MYO5C: variants seen among roughly 807,000 people sequenced by gnomAD.
The protein encoded by MYO5C is myosin VC.
A neutral mutation model predicts 235.7 loss-of-function variants in MYO5C; 194 were observed. That is an observed-to-expected ratio of 0.82 (90% CI 0.73 to 0.93). MYO5C has a LOEUF of 0.93. MYO5C is among the 40% of genes least tolerant of loss of function. The pLI, the probability that MYO5C is intolerant of heterozygous loss-of-function variation, is 0.00. For missense variants in MYO5C, 2,038 were observed against 2,127.2 expected, an observed-to-expected ratio of 0.96 and a Z score of 0.82; for synonymous variants, 707 against 754.8, an observed-to-expected ratio of 0.94 and a Z score of 1.04.
chr15:52,235,065 T>C (rs751390820), intron 23 of MYO5C, among the ~76,000 whole-genome samples: 3 of 152,188 alleles, frequency 2.0e-5, no homozygotes, highest in African/African-American at 4.8e-5. Context: ...AAAGCTCAAA[T>C]GTGTAGAGCT....
At chr15:52,214,918 T>A (rs1051805533) in intron 32 of MYO5C, among the ~76,000 whole-genome samples, 1 of 152,172 alleles carries the variant, frequency 6.6e-6, no homozygotes, top group Non-Finnish European at 1.5e-5. Context: ...TTAGTGTCAC[T>A]CTCTAGTTTC....
intron 1 of MYO5C, among the ~76,000 whole-genome samples, chr15:52,293,159 C>T (rs1034842674): frequency 1.3e-4 from 20 of 152,222 alleles, no homozygotes; most frequent in African/African-American, 4.8e-4. Context: ...CCTCACCTGG[C>T]AGCGATTGCT....
At chr15:52,286,703 G>A (rs1309982475) in intron 1 of MYO5C, among the ~76,000 whole-genome samples, 1 of 151,956 alleles carries the variant, frequency 6.6e-6, no homozygotes, top group South Asian at 2.1e-4. Flanking sequence ...GATTAAGGGC[G>A]GTGCAAGATG....
chr15:52,214,733 TTAATC>T (rs766615297), intron 32 of MYO5C, 43 bp from the exon 33 acceptor site: 32 of 1,365,856 alleles, frequency 2.3e-5, no homozygotes, highest in Non-Finnish European at 3.1e-5. Flanking sequence ...TAGAAGCACT[TTAATC>T]TATTTTTTTT....
chr15:52,278,914 G>A lies in MYO5C; in HGVS notation c.408C>T (p.His136=). The A allele has an allele frequency of 6.2e-7, 1 of 1,614,176 alleles. No individual in the cohort carries two copies. The highest frequency in any genetic ancestry group is 1.3e-5 in the African/African-American group (1 of 75,054). The change falls in exon 4 of 41, where the codon CAC becomes CAT. Residue 136 remains histidine, a synonymous_variant. Coordinates refer to ENST00000261839, the MANE Select transcript of MYO5C (RefSeq NM_018728.4). ...SGQNMGDMDP[H]IFAVAEEAYK... is the part of the protein sequence containing the mutation. ...ATGCCTCTTCTGCCACGGCAAATAT[G>A]TGTGGGTCCATATCGCCCATGTTCT...
rs1469156461 is a variant in MYO5C, at chr15:52,279,523, A to T, written c.290T>A (p.Ile97Asn). 6.2e-7 allele frequency: 1 copy of T among 1,612,960 alleles called. No homozygotes were observed. The highest frequency in any genetic ancestry group is 8.5e-7 in the Non-Finnish European group (1 of 1,179,124). The change falls in exon 3 of 41, where the codon ATT becomes AAT. Residue 97 changes from isoleucine (I) to asparagine (N), a missense_variant. Transcript: ENST00000261839. ...GCTCTCCTTACCACTGTAGGTGTAA[A>T]TGAGTTTGGATTCTGCAAAGCGGAT... is the stretch of plus-strand genomic sequence containing the variant. Reference protein sequence around the residue: ...LRIRFAESKLIYTYSGIILVA... With the variant: ...LRIRFAESKLNYTYSGIILVA...
At chr15:52,198,313 C>G (rs568445071) in intron 38 of MYO5C, among the ~76,000 whole-genome samples, 1 of 152,116 alleles carries the variant, frequency 6.6e-6, no homozygotes, top group Non-Finnish European at 1.5e-5. Flanking sequence ...TCAGCCTGGG[C>G]GACAAGAGTG....
intron 23 of MYO5C, among the ~76,000 whole-genome samples, chr15:52,233,621 T>C (rs1263075498): frequency 1.3e-5 from 2 of 152,218 alleles, no homozygotes; most frequent in Non-Finnish European, 2.9e-5. Context: ...TCTGTCTCTA[T>C]CTGGGAAAGA....
At chr15:52,293,353 C>T (rs2037433000) in intron 1 of MYO5C, among the ~76,000 whole-genome samples, 1 of 152,126 alleles carries the variant, frequency 6.6e-6, no homozygotes, top group Admixed American at 6.5e-5. Flanking sequence ...CTTCTCCCAC[C>T]TTGGTGAGAC....
At chr15:52,241,578 A>T (rs948935883) in intron 20 of MYO5C, among the ~76,000 whole-genome samples, 3 of 151,956 alleles carry the variant, frequency 2.0e-5, no homozygotes, top group African/African-American at 4.8e-5. Context: ...ATCTTTTAAA[A>T]TTTCTTTCCC....
chr15:52,214,779 A>C, intron 32 of MYO5C, 89 bp from the exon 33 acceptor site: 1 of 756,172 alleles, frequency 1.3e-6, no homozygotes. Context: ...TTGACATACA[A>C]TTTGCATACC....
chr15:52,255,271 C>G (rs909247375), intron 11 of MYO5C, among the ~76,000 whole-genome samples: 10 of 152,192 alleles, frequency 6.6e-5, no homozygotes. Flanking sequence ...TGAGCCAAAG[C>G]CCACACTCTC....
At chr15:52,286,946 A>C in intron 1 of MYO5C, among the ~76,000 whole-genome samples, 1 of 142,938 alleles carries the variant, frequency 7.0e-6, no homozygotes, top group East Asian at 1.9e-4. Context: ...ATAAAAAAAA[A>C]AAAGAAAAAA....
At chr15:52,223,099 A>G (rs1033599346) in intron 29 of MYO5C, among the ~76,000 whole-genome samples, 2 of 150,634 alleles carry the variant, frequency 1.3e-5, no homozygotes, top group Non-Finnish European at 2.9e-5. Flanking sequence ...CAGTGAGCTG[A>G]GATCATGCCA....
intron 1 of MYO5C, among the ~76,000 whole-genome samples, chr15:52,288,765 G>C (rs1347425111): frequency 1.3e-5 from 2 of 152,224 alleles, no homozygotes; most frequent in Non-Finnish European, 2.9e-5. Context: ...GACTGGGATG[G>C]AACAGCTCGC....
In MYO5C at chr15:52,246,139, C is replaced by G. The variant is rs780951761; in HGVS notation, c.1980-97G>C. On this transcript the variant is annotated intron_variant, in intron 16 of 40. Coordinates refer to ENST00000261839, the MANE Select transcript of MYO5C (RefSeq NM_018728.4). ...GACCTGGCTAGACTGTGACCCTATG[C>G]CAGGTACCCAGCAGATACTTAATAA... is the stretch of plus-strand genomic sequence containing the variant. 1.4e-4 allele frequency: 124 copies of G among 877,840 alleles called. 1 individual carries two copies. The highest frequency in any genetic ancestry group is 2.1e-4 in the Non-Finnish European group (110 of 536,566). The allele number at this position is 877,840 out of a possible 1,614,324, so 54.4% of individuals were successfully genotyped here. A position where few individuals can be genotyped will look rare whatever the true frequency, so the allele number is the denominator to read the frequency against.
Position 52,196,438 on chromosome 15 carries a change from C to A in MYO5C, c.4866G>T (p.Leu1622Phe), listed in dbSNP as rs764300654. Residue 1622 changes from leucine (L) to phenylalanine (F), a missense_variant, in exon 39 of 41, where the codon TTG becomes TTT. By Grantham distance (22) the Leu-to-Phe change is conservative. Coordinates refer to ENST00000261839, the MANE Select transcript of MYO5C (RefSeq NM_018728.4). ...YLEEWLKDKN[L>F]QNSLAKETLE... ...AAGTTTCCTTTGCTAAGCTGTTCTG[C>A]AAGTTCTTATCTTTAAGCCATTCTT... The A allele has an allele frequency of 4.3e-6, 7 of 1,614,000 alleles. No individual in the cohort carries two copies. Among genetic ancestry groups the A allele is most frequent in the Non-Finnish European group, 5.9e-6 (7 of 1,180,004 alleles).
chr15:52,214,629 T>G lies in MYO5C; in HGVS notation c.4016A>C (p.Lys1339Thr). The G allele has an allele frequency of 6.2e-7, 1 of 1,608,822 alleles. No individual in the cohort carries two copies. Among genetic ancestry groups the G allele is most frequent in the Non-Finnish European group, 8.5e-7 (1 of 1,177,284 alleles). The stretch of plus-strand genomic sequence containing the variant: ...TTTTCCAATTGTCTTGCTTAGTGTC[T>G]TGACTTGATCTTGTAGCTTTTTAAT... ...RVIKKLQDQV[K>T]TLSKTIGKAN... The change falls in exon 33 of 41, where the codon AAG (lysine) becomes ACG (threonine). Residue 1339 changes from lysine to threonine, a missense_variant. Physicochemically the swap from Lys to Thr is moderately conservative, Grantham distance 78 (BLOSUM62 -1). Coordinates refer to ENST00000261839, the MANE Select transcript of MYO5C (RefSeq NM_018728.4).
chr15:52,235,022 A>G lies in MYO5C; in HGVS notation c.2962+648T>C, dbSNP rs560165967. On this transcript the variant is annotated intron_variant, in intron 23 of 40. Transcript: ENST00000261839. ...TGTTGCCTGTTGCCTTTTCTGGGGT[A>G]CAACAAGTATTGTCAAGTTGAACTT... Among the ~76,000 whole-genome samples the G allele has an allele frequency of 1.3e-4, 20 of 152,320 alleles. 1 individual carries two copies. The South Asian group carries it at 3.9e-3, about 30-fold the overall frequency.
Sources: allele counts gnomAD v4.1 joint callset (sites outside exome capture counted in the v4.1 genomes callset), GRCh38; gene constraint gnomAD v4.1.1; transcripts MANE v1.5; gene names NCBI Gene and HGNC (gene_info 2026-07-23, HGNC 2026-07-21).